Variants in ZNF318 observed in about 807,000 individuals in gnomAD.
The protein encoded by ZNF318 is zinc finger protein 318, also known as endocrine regulator.
In ZNF318, 51 loss-of-function variants were observed where a neutral mutation model predicts 124.2. The observed-to-expected ratio is 0.41, with a 90% CI of 0.33 to 0.52. ZNF318 has a LOEUF of 0.52. Among genes scored for constraint, ZNF318 ranks in the 20% least tolerant of loss-of-function variants. The probability of loss-of-function intolerance (pLI) is 0.23; values close to 1 mark genes in which losing one functional copy is unlikely to be tolerated. For synonymous variants in ZNF318, 1,090 were observed against 1,040.7 expected, an observed-to-expected ratio of 1.05 and a Z score of -0.91; for missense variants, 2,815 against 2,811.2, an observed-to-expected ratio of 1.00 and a Z score of -0.03.
Position 43,369,291 on chromosome 6 carries a change from G to A in ZNF318, c.75C>T (p.Ser25=), listed in dbSNP as rs1184772277. The stretch of plus-strand genomic sequence containing the variant: ...CTGAGGAGGAGCCAGAGCTGCGGCC[G>A]CTGCGCGGGCCGCCCCCGCCGTCGT... ...PKDDGGGGPR[S]GRSSGSSSGP... Residue 25 remains serine, a synonymous_variant, in exon 1 of 10, where the codon AGC becomes AGT. Coordinates refer to ENST00000361428, the MANE Select transcript of ZNF318 (RefSeq NM_014345.3). 3 of 1,336,082 alleles carry A rather than the reference G, an allele frequency of 2.2e-6. No homozygotes were observed. Among genetic ancestry groups the A allele is most frequent in the South Asian group, 1.6e-5 (1 of 61,664 alleles). 82.8% of individuals were successfully genotyped at this position (1,336,082 alleles called of 1,614,324 possible).
Position 43,337,421 on chromosome 6 carries a change from CAG to C in ZNF318, c.6575_6576del (p.Ser2192Ter), listed in dbSNP as rs779668108. 6.2e-7 allele frequency: 1 copy of C among 1,614,172 alleles called. No individual in the cohort carries two copies. The highest frequency in any genetic ancestry group is 8.5e-7 in the Non-Finnish European group (1 of 1,180,028). On this transcript the variant is annotated frameshift_variant, in exon 10 of 10. Transcript: ENST00000361428. LOFTEE classifies it low-confidence loss of function (END_TRUNC). ...VQKDKLCSPLSEPGDPSKCSS... is the reference protein window; with the variant it reads ...VQKDKLCSPLXEPGDPSKCSS... ...CTACATTTAGAAGGGTCACCTGGCT[CAG>C]AGAGTGGAGAACACAGTTTATCTTT...
At chr6:43,354,515 CAA>C (rs1369812651) in intron 4 of ZNF318, 147 bp downstream of exon 4, 5 of 696,922 alleles carry the variant, frequency 7.2e-6, no homozygotes, top group Non-Finnish European at 1.2e-5. Flanking sequence ...AACAGAGGAA[CAA>C]TATACACTTC....
At chr6:43,350,957 A>T (rs1779516030) in intron 5 of ZNF318, among the ~76,000 whole-genome samples, 1 of 152,240 alleles carries the variant, frequency 6.6e-6, no homozygotes, top group South Asian at 2.1e-4. Flanking sequence ...GATTCATATT[A>T]ATTAAAAAGG....
rs760868855 is a variant in ZNF318 at position 43,342,134 on chromosome 6, G to A, written c.3354C>T (p.Asp1118=). The change falls in exon 8 of 10, where the codon GAC becomes GAT. Residue 1118 remains aspartate (D), a synonymous_variant. Transcript: ENST00000361428. ...TACCTTTTGCAGGAACAGTTATCTT[G>A]TCAGTGCGCTTTATGGCATCTTGCT... ...EAKQDAIKRT[D]KITVPAKGSE... 6 of 1,613,996 alleles carry A rather than the reference G, an allele frequency of 3.7e-6. No individual in the cohort carries two copies. In the African/African-American group the frequency reaches 8.0e-5, roughly 22 times the overall value.
Position 43,339,149 on chromosome 6 carries a change from G to C in ZNF318, c.4849C>G (p.Pro1617Ala). Residue 1617 changes from proline (P) to alanine (A), a missense_variant, in exon 10 of 10, where the codon CCT becomes GCT. Physicochemically the swap from Pro to Ala is conservative, Grantham distance 27 (BLOSUM62 -1). Around this residue, in one of 4 missense-constraint regions of ZNF318, gnomAD observed 927 missense variants for 820.6 expected, o/e 1.13. Coordinates refer to ENST00000361428, the MANE Select transcript of ZNF318 (RefSeq NM_014345.3). This position sits in a 1 kb window ranked among gnomAD's most constrained non-coding sequence, Gnocchi z 4.2. Reference protein sequence around the residue: ...TKSSDTSSTSPLNSSASQEEL... With the variant: ...TKSSDTSSTSALNSSASQEEL... ...TCTTGGGATGCACTGCTGTTCAAAG[G>C]AGAAGTAGAAGAGGTGTCTGAACTT... 6.2e-7 allele frequency: 1 copy of C among 1,614,178 alleles called. No individual in the cohort carries two copies. The highest frequency in any genetic ancestry group is 1.1e-5 in the South Asian group (1 of 91,076).
rs1231955330 is a variant in ZNF318 at position 43,338,787 on chromosome 6, A to G, written c.5211T>C (p.Asp1737=). Residue 1737 remains aspartate (D), a synonymous_variant, in exon 10 of 10, where the codon GAT becomes GAC. Coordinates refer to ENST00000361428, the MANE Select transcript of ZNF318 (RefSeq NM_014345.3). ...ACTTCTGAGATTCTTTGCACTGTAT[A>G]TCTAACAGTTGAGGAGGTGGTTCTA... ...PGVEPPPQLL[D]IQCKESQKLV... is the part of the protein sequence containing the mutation. 27 of 1,614,120 alleles carry G rather than the reference A, an allele frequency of 1.7e-5. No individual in the cohort carries two copies. The highest frequency in any genetic ancestry group is 2.3e-5 in the Non-Finnish European group (27 of 1,180,028).
At chr6:43,348,726 CTT>C in intron 5 of ZNF318, 101 bp from the exon 6 acceptor site, 1 of 1,367,992 alleles carries the variant, frequency 7.3e-7, no homozygotes, top group South Asian at 1.4e-5. Context: ...GTTACAAAGT[CTT>C]TGCCCACAAA....
chr6:43,351,128 A>G (rs1481256445), intron 5 of ZNF318, among the ~76,000 whole-genome samples: 1 of 152,350 alleles, frequency 6.6e-6, no homozygotes, highest in East Asian at 1.9e-4. Flanking sequence ...ATTTAATCAT[A>G]AGGAAACAGA....
At chr6:43,348,772 G>A in intron 5 of ZNF318, 147 bp from the exon 6 acceptor site, 1 of 950,432 alleles carries the variant, frequency 1.1e-6, no homozygotes, top group South Asian at 1.7e-5. Flanking sequence ...GGTGGCTCAT[G>A]CCTGTAATTC....
Position 43,339,799 on chromosome 6 carries a change from A to G in ZNF318, c.4199T>C (p.Leu1400Pro). ...PVVKESSADLLLPPDIISKAF... is the reference protein window; with the variant it reads ...PVVKESSADLPLPPDIISKAF... ...TTTGGAGATGATGTCTGGAGGTAAG[A>G]GGAGATCAGCTGAAGACTCTTTAAC... The change falls in exon 10 of 10, where the codon CTC (leucine) becomes CCC (proline). Residue 1400 changes from leucine (L) to proline (P), a missense_variant. This residue lies in a region of ZNF318 where 500 missense variants were observed against 605.2 expected (regional missense o/e 0.83). Coordinates refer to ENST00000361428, the MANE Select transcript of ZNF318 (RefSeq NM_014345.3). This position sits in a 1 kb window ranked among gnomAD's most constrained non-coding sequence, Gnocchi z 4.2. The G allele has an allele frequency of 6.2e-7, 1 of 1,614,156 alleles. No homozygotes were observed. Among genetic ancestry groups the G allele is most frequent in the Non-Finnish European group, 8.5e-7 (1 of 1,180,022 alleles).
chr6:43,349,635 C>G (rs577111324), intron 5 of ZNF318, among the ~76,000 whole-genome samples: 33 of 152,154 alleles, frequency 2.2e-4, no homozygotes, highest in Non-Finnish European at 4.6e-4. Flanking sequence ...CAGACAGAAG[C>G]AATTATATCT....
chr6:43,342,634 A>G, intron 7 of ZNF318, 42 bp downstream of exon 7: 2 of 1,593,658 alleles, frequency 1.3e-6, no homozygotes, highest in Non-Finnish European at 1.7e-6. Flanking sequence ...GTTTGAAGAG[A>G]GTGAGGGTGG....
In ZNF318 at chr6:43,356,429, C is replaced by T. The variant is rs947235987; in HGVS notation, c.1189-284G>A. ...AATTCAAAAGAATTTTAGAGATCCC[C>T]TAGCTTGTTTTCTTTTCTATGGATC... On this transcript the variant is annotated intron_variant, in intron 3 of 9. Coordinates refer to ENST00000361428, the MANE Select transcript of ZNF318 (RefSeq NM_014345.3). Among the ~76,000 whole-genome samples, 6 of 152,230 alleles carry T rather than the reference C, an allele frequency of 3.9e-5. No homozygotes were observed. In the East Asian group the frequency reaches 1.2e-3, roughly 29 times the overall value.
rs747851205 is a variant in ZNF318, at chr6:43,340,500, T to C, written c.3498A>G (p.Lys1166=). The part of the protein sequence containing the change: ...KGHQHNEKYK[K]YVDENPLYEE... Reference sequence around the variant, plus strand: ...CATATAATGGGTTTTCATCCACATATTTCTGGGAAGAAAAAAGATAAAGAC... The same window carrying C: ...CATATAATGGGTTTTCATCCACATACTTCTGGGAAGAAAAAAGATAAAGAC... The change falls in exon 10 of 10, where the codon AAA becomes AAG. Residue 1166 remains lysine, a splice_region_variant and synonymous_variant. Transcript: ENST00000361428. The C allele has an allele frequency of 4.4e-6, 7 of 1,574,066 alleles. No individual in the cohort carries two copies. Among genetic ancestry groups the C allele is most frequent in the Admixed American group, 2.1e-5 (1 of 48,640 alleles).
intron 6 of ZNF318, among the ~76,000 whole-genome samples, chr6:43,345,233 G>A (rs1306027022): frequency 2.5e-5 from 3 of 120,760 alleles, no homozygotes; most frequent in Non-Finnish European, 3.4e-5. Flanking sequence ...GTGACAGAGT[G>A]AGACCCTGTC....
At chr6:43,365,257 C>T (rs1301709507) in intron 2 of ZNF318, 35 bp downstream of exon 2, 2 of 1,596,158 alleles carry the variant, frequency 1.3e-6, no homozygotes, top group Non-Finnish European at 1.7e-6. Flanking sequence ...CCTTCAAGTA[C>T]TAGTATAGTA....
At position 43,340,235 on chromosome 6, in the gene ZNF318, T is replaced by A; in HGVS notation, c.3763A>T (p.Ile1255Phe). The A allele has an allele frequency of 6.2e-7, 1 of 1,614,212 alleles. No homozygotes were observed. The highest frequency in any genetic ancestry group is 8.5e-7 in the Non-Finnish European group (1 of 1,180,042). The change falls in exon 10 of 10, where the codon ATC (isoleucine) becomes TTC (phenylalanine). Residue 1255 changes from isoleucine (I) to phenylalanine (F), a missense_variant. Around this residue, in one of 4 missense-constraint regions of ZNF318, gnomAD observed 500 missense variants for 605.2 expected, o/e 0.83. Coordinates refer to ENST00000361428, the MANE Select transcript of ZNF318 (RefSeq NM_014345.3). ...ACCTCTTCTTTTAACTGGAGTTTGA[T>A]GCCAGTGTTCCTTTTATTTTCAGCT... ...EKAENKRNTG[I>F]KLQLKEEVKK...
rs760013388 is a variant in ZNF318, at chr6:43,337,987, G to A, written c.6011C>T (p.Thr2004Ile). 15 of 1,614,050 alleles carry A rather than the reference G, an allele frequency of 9.3e-6. No homozygotes were observed. Among genetic ancestry groups the A allele is most frequent in the African/African-American group, 2.7e-5 (2 of 74,916 alleles). ...AGTAAGCTCCTCTACCTTTAAGTCT[G>A]TAGCTTCAAAGTCTTCTAGGGCCTT... ...ESKALEDFEA[T>I]DLKVEELTAL... is the part of the protein sequence containing the mutation. Residue 2004 changes from threonine to isoleucine, a missense_variant, in exon 10 of 10, where the codon ACA (threonine) becomes ATA (isoleucine). Physicochemically the swap from Thr to Ile is moderately conservative, Grantham distance 89 (BLOSUM62 -1). Coordinates refer to ENST00000361428, the MANE Select transcript of ZNF318 (RefSeq NM_014345.3).
At chr6:43,365,239 C>T in intron 2 of ZNF318, 53 bp downstream of exon 2, 3 of 1,562,398 alleles carry the variant, frequency 1.9e-6, no homozygotes, top group Non-Finnish European at 2.6e-6. Flanking sequence ...AAAACAGCAA[C>T]ATTTCTGCCT....
Sources: gnomAD v4.1 joint callset for allele counts (sites outside exome capture counted in the v4.1 genomes callset) on GRCh38, gnomAD v4.1.1 for gene constraint, gnomAD v4.1.1 regional missense constraint, Gnocchi (gnomAD v3.1) non-coding constraint, MANE v1.5 for transcripts, NCBI Gene and HGNC (gene_info 2026-07-23, HGNC 2026-07-21) for gene names.